Variants in ANKS4B observed in about 807,000 individuals in gnomAD.
ANKS4B encodes the protein ankyrin repeat and sterile alpha motif domain containing 4B.
Under a neutral mutation model 20.2 loss-of-function variants are expected in ANKS4B, and 21 were observed. That is an observed-to-expected ratio of 1.04 (90% CI 0.74 to 1.50). The LOEUF (loss-of-function observed/expected upper bound fraction) is 1.50. Among genes scored for constraint, ANKS4B ranks in the 40% most tolerant of loss-of-function variants. ANKS4B has a pLI of 0.00. For synonymous variants in ANKS4B, 179 were observed against 194.5 expected (o/e 0.92, Z 0.66); for missense variants, 473 against 494.6 (o/e 0.96, Z 0.41).
At position 21,252,499 on chromosome 16, in the gene ANKS4B, A is replaced by G. The variant is rs2152860308; in HGVS notation, c.*1679A>G. 1 of 152,392 alleles carries G rather than the reference A, an allele frequency of 6.6e-6. No individual in the cohort carries two copies. The highest frequency in any genetic ancestry group is 2.4e-5 in the African/African-American group (1 of 41,602). 9.4% of individuals were successfully genotyped at this position (152,392 alleles called of 1,614,324 possible). On this transcript the variant is annotated 3_prime_UTR_variant, in exon 2 of 2. Transcript: ENST00000311620. ...TAGCAGAATAATACTGTCCTAAGTA[A>G]GAGGGTTGGGGAGGAGACCAAGAAA... is the stretch of plus-strand genomic sequence containing the variant.
In ANKS4B at chr16:21,250,485, G is replaced by A. The variant is rs2093337834; in HGVS notation, c.919G>A (p.Gly307Arg). ...KLPSELLQRQGASEADEGAAD... is the reference protein window; with the variant it reads ...KLPSELLQRQRASEADEGAAD... ...GCCCAGTGAATTGCTTCAAAGACAA[G>A]GAGCATCAGAGGCTGATGAGGGTGC... Residue 307 changes from glycine to arginine, a missense_variant, in exon 2 of 2, where the codon GGA becomes AGA. Transcript: ENST00000311620. The A allele has an allele frequency of 6.2e-7, 1 of 1,614,016 alleles. No homozygotes were observed. The highest frequency in any genetic ancestry group is 8.5e-7 in the Non-Finnish European group (1 of 1,180,014).
In ANKS4B at chr16:21,240,451, G is replaced by A. The variant is rs1048655303; in HGVS notation, c.164+6550G>A. Among the ~76,000 whole-genome samples, 7 of 152,062 alleles carry A rather than the reference G, an allele frequency of 4.6e-5. No individual in the cohort carries two copies. The East Asian group carries it at 5.8e-4, about 13-fold the overall frequency. Reference sequence around the variant, plus strand: ...CTACAGGTGCCTGCCACCACACCCCGCTAATTTTTGTATTTTTAGTAGAGA... The same window carrying A: ...CTACAGGTGCCTGCCACCACACCCCACTAATTTTTGTATTTTTAGTAGAGA... On this transcript the variant is annotated intron_variant, in intron 1 of 1. Coordinates refer to ENST00000311620, the MANE Select transcript of ANKS4B (RefSeq NM_145865.3).
intron 1 of ANKS4B, among the ~76,000 whole-genome samples, chr16:21,234,624 G>C (rs1365900492): frequency 6.6e-6 from 1 of 152,022 alleles, no homozygotes; most frequent in African/African-American, 2.4e-5. Context: ...TAACCCAAGA[G>C]GGGTAAAGAA....
intron 1 of ANKS4B, among the ~76,000 whole-genome samples, chr16:21,234,300 T>G (rs1597602192): frequency 6.6e-6 from 1 of 152,106 alleles, no homozygotes; most frequent in Non-Finnish European, 1.5e-5. Flanking sequence ...GGTTTTAGTT[T>G]TTTTTTTATC....
At position 21,250,441 on chromosome 16, in the gene ANKS4B, G is replaced by C; in HGVS notation, c.875G>C (p.Arg292Thr). Residue 292 changes from arginine to threonine, a missense_variant, in exon 2 of 2, where the codon AGA (arginine) becomes ACA (threonine). Physicochemically the swap from Arg to Thr is moderately conservative, Grantham distance 71. Coordinates refer to ENST00000311620, the MANE Select transcript of ANKS4B (RefSeq NM_145865.3). ...CCTGAAGACATCTCAGATAGCAAGA[G>C]AGAGTTTGGTTTTAAACTGCCCAGT... ...SSPEDISDSK[R>T]EFGFKLPSEL... is the part of the protein sequence containing the mutation. 1.2e-6 allele frequency: 2 copies of C among 1,614,164 alleles called. No homozygotes were observed. The highest frequency in any genetic ancestry group is 1.7e-6 in the Non-Finnish European group (2 of 1,180,026).
Position 21,233,794 on chromosome 16 carries a change from G to A in ANKS4B, c.57G>A (p.Glu19=), listed in dbSNP as rs373056109. The A allele has an allele frequency of 3.2e-4, 516 of 1,614,034 alleles. No individual in the cohort carries two copies. The highest frequency in any genetic ancestry group is 3.9e-4 in the Non-Finnish European group (464 of 1,179,972). ...ASDSYLELLK[E]ATKRDLNLSD... ...ATAGTTACCTGGAACTTCTAAAAGA[G>A]GCTACCAAGCGAGATCTAAATCTTT... The change falls in exon 1 of 2, where the codon GAG becomes GAA. Residue 19 remains glutamate (E), a synonymous_variant. Coordinates refer to ENST00000311620, the MANE Select transcript of ANKS4B (RefSeq NM_145865.3).
intron 1 of ANKS4B, among the ~76,000 whole-genome samples, chr16:21,244,251 C>T (rs1182681091): frequency 6.6e-5 from 10 of 151,630 alleles, no homozygotes; most frequent in East Asian, 1.9e-4. Flanking sequence ...CATCACACAC[C>T]GGGGCCTGTT....
rs1021284510 is a variant in ANKS4B, at chr16:21,253,701, C to G, written c.*2881C>G. The G allele has an allele frequency of 2.0e-5, 3 of 152,166 alleles. No individual in the cohort carries two copies. Among genetic ancestry groups the G allele is most frequent in the Non-Finnish European group, 2.9e-5 (2 of 68,038 alleles). The allele number at this position is 152,166 out of a possible 1,614,324, so 9.4% of individuals were successfully genotyped here. A position where few individuals can be genotyped will look rare whatever the true frequency, so the allele number is the denominator to read the frequency against. On this transcript the variant is annotated 3_prime_UTR_variant, in exon 2 of 2. Transcript: ENST00000311620. ...AGATATTTGCCACTAGGGGTCTCAT[C>G]AGGTACCTCTATGCTCTTCTTAGGG... is the stretch of plus-strand genomic sequence containing the variant.
At chr16:21,246,132 G>A (rs1186596991) in intron 1 of ANKS4B, among the ~76,000 whole-genome samples, 1 of 152,174 alleles carries the variant, frequency 6.6e-6, no homozygotes, top group Non-Finnish European at 1.5e-5. Flanking sequence ...GTTTTGTTAT[G>A]AGAGTATATT....
rs890015771 is a variant in ANKS4B, at chr16:21,245,662, A to G, written c.165-4069A>G. Reference sequence around the variant, plus strand: ...GTACTTTTAGTAGAGATGGGGTTTCACCATGTTGAATAGGCTGGTCTCAAA... The same window carrying G: ...GTACTTTTAGTAGAGATGGGGTTTCGCCATGTTGAATAGGCTGGTCTCAAA... On this transcript the variant is annotated intron_variant, in intron 1 of 1. Transcript: ENST00000311620. Among the ~76,000 whole-genome samples the G allele has an allele frequency of 1.2e-4, 19 of 152,150 alleles. 1 individual carries two copies. Among genetic ancestry groups the G allele is most frequent in the African/African-American group, 4.6e-4 (19 of 41,512 alleles).
At position 21,250,780 on chromosome 16, in the gene ANKS4B, T is replaced by C. The variant is rs2093338468; in HGVS notation, c.1214T>C (p.Val405Ala). The change falls in exon 2 of 2, where the codon GTG becomes GCG. Residue 405 changes from valine (V) to alanine (A), a missense_variant. Coordinates refer to ENST00000311620, the MANE Select transcript of ANKS4B (RefSeq NM_145865.3). ...AATGCTATCAACAGGAGGAAGCAGG[T>C]GCTTCAACAGCCTGGGCAGCTGGTC... Reference protein sequence around the residue: ...VLNAINRRKQVLQQPGQLVDT... With the variant: ...VLNAINRRKQALQQPGQLVDT... 3.7e-6 allele frequency: 6 copies of C among 1,601,300 alleles called. No individual in the cohort carries two copies. The highest frequency in any genetic ancestry group is 5.1e-6 in the Non-Finnish European group (6 of 1,169,774).
chr16:21,250,407 A>T lies in ANKS4B; in HGVS notation c.841A>T (p.Ile281Leu). ...LGSIVFRRNR[I>L]SSPEDISDSK... is the part of the protein sequence containing the mutation. Reference sequence around the variant, plus strand: ...AAGTATTGTTTTTAGAAGGAACAGGATATCGAGTCCTGAAGACATCTCAGA... The same window carrying T: ...AAGTATTGTTTTTAGAAGGAACAGGTTATCGAGTCCTGAAGACATCTCAGA... The change falls in exon 2 of 2, where the codon ATA (isoleucine) becomes TTA (leucine). Residue 281 changes from isoleucine (I) to leucine (L), a missense_variant. Coordinates refer to ENST00000311620, the MANE Select transcript of ANKS4B (RefSeq NM_145865.3). 6.2e-7 allele frequency: 1 copy of T among 1,614,200 alleles called. No individual in the cohort carries two copies. The highest frequency in any genetic ancestry group is 8.5e-7 in the Non-Finnish European group (1 of 1,180,044).
At chr16:21,244,282 A>G (rs1567226254) in intron 1 of ANKS4B, among the ~76,000 whole-genome samples, 1 of 152,090 alleles carries the variant, frequency 6.6e-6, no homozygotes, top group Admixed American at 6.6e-5. Flanking sequence ...GGGCAAGAGG[A>G]GGGAGAGCAT....
At chr16:21,247,396 T>C (rs2093333670) in intron 1 of ANKS4B, among the ~76,000 whole-genome samples, 1 of 152,196 alleles carries the variant, frequency 6.6e-6, no homozygotes, top group East Asian at 1.9e-4. Flanking sequence ...CTGCTTCTGG[T>C]CTGGAGACCC....
chr16:21,235,695 G>T (rs796346932), intron 1 of ANKS4B, among the ~76,000 whole-genome samples: 3 of 152,222 alleles, frequency 2.0e-5, no homozygotes, highest in African/African-American at 7.2e-5. Flanking sequence ...GAGGGTTAAG[G>T]TCCCAGGTTT....
rs776105197 is a variant in ANKS4B at position 21,236,904 on chromosome 16, T to TA, written c.164+3004dup. On this transcript the variant is annotated intron_variant, in intron 1 of 1. Coordinates refer to ENST00000311620, the MANE Select transcript of ANKS4B (RefSeq NM_145865.3). ...TCTTCTATAAATTTCAGGGACTTTGTAGGACTCTAGTCAACAAATACATTT... is the reference window on the plus strand; with the variant it reads ...TCTTCTATAAATTTCAGGGACTTTGTAAGGACTCTAGTCAACAAATACATTT... Among the ~76,000 whole-genome samples the TA allele has an allele frequency of 4.8e-4, 73 of 152,366 alleles. 2 individuals carry two copies. Among genetic ancestry groups the TA allele is most frequent in the Middle Eastern group, 6.8e-3 (2 of 294 alleles).
chr16:21,237,331 G>C (rs9926454), intron 1 of ANKS4B, among the ~76,000 whole-genome samples: 23,073 of 152,038 alleles, frequency 0.15, 2,171 homozygotes, highest in African/African-American at 0.27. Context: ...ACATTTTCTT[G>C]AGAATAAATT....
rs778171646 is a variant in ANKS4B, at chr16:21,253,686, C to T, written c.*2866C>T. 1 of 152,092 alleles carries T rather than the reference C, an allele frequency of 6.6e-6. No homozygotes were observed. The highest frequency in any genetic ancestry group is 1.5e-5 in the Non-Finnish European group (1 of 68,020). 9.4% of individuals were successfully genotyped at this position (152,092 alleles called of 1,614,324 possible). On this transcript the variant is annotated 3_prime_UTR_variant, in exon 2 of 2. Coordinates refer to ENST00000311620, the MANE Select transcript of ANKS4B (RefSeq NM_145865.3). ...TCATCCCTTTTTAGGAGATATTTGCCACTAGGGGTCTCATCAGGTACCTCT... is the reference window on the plus strand; with the variant it reads ...TCATCCCTTTTTAGGAGATATTTGCTACTAGGGGTCTCATCAGGTACCTCT...
intron 1 of ANKS4B, among the ~76,000 whole-genome samples, chr16:21,247,800 C>T (rs2093334165): frequency 1.3e-5 from 2 of 152,192 alleles, no homozygotes; most frequent in South Asian, 2.1e-4. Flanking sequence ...AATACTGGAG[C>T]ACCTACTATG....
Sources: allele counts gnomAD v4.1 joint callset (sites outside exome capture counted in the v4.1 genomes callset), GRCh38; gene constraint gnomAD v4.1.1; transcripts MANE v1.5; gene names NCBI Gene and HGNC (gene_info 2026-07-23, HGNC 2026-07-21).